Variants in PLCH1 observed in about 807,000 individuals in gnomAD.
PLCH1 encodes the protein phospholipase C eta 1.
Under a neutral mutation model 126.7 loss-of-function variants are expected in PLCH1, and 60 were observed. That is an observed-to-expected ratio of 0.47 (90% confidence interval 0.38 to 0.59). The LOEUF (loss-of-function observed/expected upper bound fraction) is 0.59, where lower values mean the gene tolerates loss of function less well. Among genes scored for constraint, PLCH1 ranks in the 20% least tolerant of loss-of-function variants. The probability of loss-of-function intolerance (pLI) is 0.00; values close to 1 mark genes in which losing one functional copy is unlikely to be tolerated. For missense variants in PLCH1, 1,723 were observed against 2,040.0 expected (o/e 0.84, Z 2.99); for synonymous variants, 719 against 734.9 (o/e 0.98, Z 0.35).
At chr3:155,742,290 G>A (rs1327214756) in intron 1 of PLCH1, 1 of 152,070 alleles carries the variant, frequency 6.6e-6, no homozygotes, top group African/African-American at 2.4e-5. Flanking sequence ...CCCTAACAAG[G>A]AGCACTTTTA....
Position 155,583,543 on chromosome 3 carries a change from A to C in PLCH1, c.700T>G (p.Leu234Val), listed in dbSNP as rs199776576. 6.2e-7 allele frequency: 1 copy of C among 1,605,494 alleles called. No individual in the cohort carries two copies. Among genetic ancestry groups the C allele is most frequent in the African/African-American group, 1.3e-5 (1 of 74,482 alleles). The change falls in exon 6 of 23, where the codon TTG becomes GTG. Residue 234 changes from leucine (L) to valine (V), a missense_variant. Physicochemically the swap from Leu to Val is conservative, Grantham distance 32. This residue lies in a region of PLCH1 where 776 missense variants were observed against 1,062.9 expected (regional missense o/e 0.73). Coordinates refer to ENST00000460012, the MANE Select transcript of PLCH1 (RefSeq NM_014996.4). ...TGATCTTTCTTGTCACTGTAGCTCA[A>C]AAGTAACAAATAAAGGTCTCGTCTC... ...SLRRDLYLLL[L>V]SYSDKKDHLT...
At chr3:155,606,196 C>G (rs1162679820) in intron 2 of PLCH1, among the ~76,000 whole-genome samples, 1 of 151,932 alleles carries the variant, frequency 6.6e-6, no homozygotes, top group Non-Finnish European at 1.5e-5. Context: ...CTTCTCAGTC[C>G]ATTGAATTGT....
intron 2 of PLCH1, among the ~76,000 whole-genome samples, chr3:155,662,707 C>T (rs981330022): frequency 1.3e-4 from 20 of 152,026 alleles, no homozygotes; most frequent in African/African-American, 4.6e-4. Flanking sequence ...CTCTGTCGTC[C>T]TGACTGGAGT....
At chr3:155,514,420 G>T (rs954822226) in intron 12 of PLCH1, among the ~76,000 whole-genome samples, 32 of 152,128 alleles carry the variant, frequency 2.1e-4, no homozygotes, top group African/African-American at 7.5e-4. Flanking sequence ...AGGTGGGAGT[G>T]TAAGGGACAC....
chr3:155,639,144 T>G (rs778008725), intron 2 of PLCH1, among the ~76,000 whole-genome samples: 1 of 152,196 alleles, frequency 6.6e-6, no homozygotes, highest in South Asian at 2.1e-4. Context: ...AGATAGGTTC[T>G]TGGCTGCCTT....
intron 1 of PLCH1, among the ~76,000 whole-genome samples, chr3:155,714,767 G>GT (rs1476802087): frequency 2.6e-5 from 4 of 152,144 alleles, no homozygotes; most frequent in Non-Finnish European, 5.9e-5. Flanking sequence ...GTCCTCTTCT[G>GT]TTTTTTATGC....
chr3:155,635,266 A>G (rs1323753376), intron 2 of PLCH1, among the ~76,000 whole-genome samples: 1 of 152,062 alleles, frequency 6.6e-6, no homozygotes, highest in Non-Finnish European at 1.5e-5. Context: ...CAAAATGCCT[A>G]GTCATAGTTC....
intron 10 of PLCH1, among the ~76,000 whole-genome samples, chr3:155,544,182 T>A (rs375111335): frequency 6.6e-6 from 1 of 151,472 alleles, no homozygotes; most frequent in Admixed American, 6.6e-5. Context: ...AAATAAAAGG[T>A]TGGAGGAAGA....
chr3:155,494,092 T>G, intron 17 of PLCH1, 49 bp downstream of exon 17: 1 of 1,415,742 alleles, frequency 7.1e-7, no homozygotes, highest in South Asian at 1.1e-5. Context: ...GCATTTAGAC[T>G]ATGAAATTAA....
chr3:155,575,235 T>A (rs1729765786), intron 6 of PLCH1, among the ~76,000 whole-genome samples: 1 of 152,128 alleles, frequency 6.6e-6, no homozygotes, highest in Non-Finnish European at 1.5e-5. Flanking sequence ...AAAGATACAT[T>A]ATCACCAGAA....
At chr3:155,717,837 AT>A (rs1182457126) in intron 1 of PLCH1, among the ~76,000 whole-genome samples, 1 of 152,184 alleles carries the variant, frequency 6.6e-6, no homozygotes, top group Admixed American at 6.5e-5. Context: ...AGTTATGAAA[AT>A]ATCTCCGGCA....
intron 2 of PLCH1, among the ~76,000 whole-genome samples, chr3:155,632,912 C>A (rs1178145763): frequency 2.0e-5 from 3 of 152,038 alleles, no homozygotes; most frequent in Non-Finnish European, 4.4e-5. Context: ...CCCACTTAGA[C>A]ACACACACAC....
At chr3:155,685,695 C>T (rs114049468) in intron 2 of PLCH1, among the ~76,000 whole-genome samples, 3,185 of 152,292 alleles carry the variant, frequency 0.021, 120 homozygotes, top group African/African-American at 0.074. Flanking sequence ...TCTATAATAA[C>T]AGATGCAAAA....
intron 2 of PLCH1, among the ~76,000 whole-genome samples, chr3:155,654,989 A>G (rs1375703356): frequency 1.3e-5 from 2 of 152,096 alleles, no homozygotes. Context: ...ACTTAAATAC[A>G]CCATTCCTGA....
At chr3:155,678,084 G>A (rs1449991885) in intron 2 of PLCH1, among the ~76,000 whole-genome samples, 1 of 152,128 alleles carries the variant, frequency 6.6e-6, no homozygotes, top group African/African-American at 2.4e-5. Flanking sequence ...TTTTGGAAAG[G>A]CTTCCTTCCA....
At chr3:155,744,485 C>T (rs558535145) in intron 1 of PLCH1, among the ~76,000 whole-genome samples, 1 of 152,304 alleles carries the variant, frequency 6.6e-6, no homozygotes, top group Admixed American at 6.5e-5. Context: ...GGTCCCGGGA[C>T]CCCGCGTGAG....
chr3:155,596,232 T>C lies in PLCH1; in HGVS notation c.226A>G (p.Ile76Val). ...CAAAGAATTCAAAGATTTGTTTTAC[T>C]TTTTGCCTTCTCACTCTTCCTAGAG... ...RPSRKSEKAK[I>V]LIDSIYKVTE... Residue 76 changes from isoleucine to valine, a missense_variant and splice_region_variant, in exon 3 of 23, where the codon ATA becomes GTA. This residue lies in a region of PLCH1 where 776 missense variants were observed against 1,062.9 expected (regional missense o/e 0.73). Coordinates refer to ENST00000460012, the MANE Select transcript of PLCH1 (RefSeq NM_014996.4). 1 of 1,612,056 alleles carries C rather than the reference T, an allele frequency of 6.2e-7. No homozygotes were observed. Among genetic ancestry groups the C allele is most frequent in the Non-Finnish European group, 8.5e-7 (1 of 1,178,506 alleles).
intron 8 of PLCH1, among the ~76,000 whole-genome samples, chr3:155,557,714 G>A (rs145818086): frequency 3.3e-5 from 5 of 152,218 alleles, no homozygotes; most frequent in East Asian, 1.9e-4. Context: ...TAAAAGAGCC[G>A]GGGCCCATTT....
At chr3:155,700,357 T>C (rs1002650773) in intron 2 of PLCH1, among the ~76,000 whole-genome samples, 1 of 152,194 alleles carries the variant, frequency 6.6e-6, no homozygotes, top group African/African-American at 2.4e-5. Flanking sequence ...TTAACATATA[T>C]ATAAGGCAAC....
Sources: allele counts gnomAD v4.1 joint callset (sites outside exome capture counted in the v4.1 genomes callset), GRCh38; gene constraint gnomAD v4.1.1; regional missense constraint gnomAD v4.1.1; transcripts MANE v1.5; gene names NCBI Gene and HGNC (gene_info 2026-07-23, HGNC 2026-07-21).